The following SIAE variants were observed in gnomAD, a reference collection of about 807,000 sequenced individuals.
The protein encoded by SIAE is sialate O-acetylesterase.
Under a neutral mutation model 52.6 loss-of-function variants are expected in SIAE, and 39 were observed. The ratio of observed to expected loss-of-function variants is 0.74; its 90% CI spans 0.57 to 0.97. SIAE has a LOEUF of 0.97. Among genes scored for constraint, SIAE ranks in the 50% least tolerant of loss-of-function variants. SIAE has a pLI of 0.00. For synonymous variants in SIAE, 233 were observed against 241.4 expected (o/e 0.97, Z 0.32); for missense variants, 592 against 662.1 (o/e 0.89, Z 1.16).
chr11:124,657,860 A>C (rs1261101368), intron 3 of SIAE, among the ~76,000 whole-genome samples: 1 of 152,204 alleles, frequency 6.6e-6, no homozygotes, highest in Non-Finnish European at 1.5e-5. Context: ...GAATAAAGAG[A>C]TTGCAGGAAG....
chr11:124,673,592 A>G, intron 1 of SIAE, 50 bp downstream of exon 1: 1 of 1,588,552 alleles, frequency 6.3e-7, no homozygotes, highest in Non-Finnish European at 8.6e-7. Flanking sequence ...GGGGTCTCGG[A>G]GCCCGCACAG....
At chr11:124,642,668 T>G in intron 7 of SIAE, among the ~76,000 whole-genome samples, 1 of 152,218 alleles carries the variant, frequency 6.6e-6, no homozygotes, top group Non-Finnish European at 1.5e-5. Context: ...ACTCGTAATT[T>G]GATTCTAACC....
chr11:124,651,045 C>T (rs1943009339), intron 4 of SIAE, among the ~76,000 whole-genome samples: 1 of 152,130 alleles, frequency 6.6e-6, no homozygotes, highest in Admixed American at 6.5e-5. Context: ...ATCAGTTCAG[C>T]CCAAGGTTTA....
chr11:124,648,763 A>G (rs1159260261), intron 5 of SIAE, among the ~76,000 whole-genome samples: 2 of 152,132 alleles, frequency 1.3e-5, no homozygotes, highest in Non-Finnish European at 2.9e-5. Flanking sequence ...CCACTTGCCC[A>G]CACCCTCGGG....
Position 124,636,784 on chromosome 11 carries a change from T to C in SIAE, c.*167A>G, listed in dbSNP as rs1942749955. On this transcript the variant is annotated 3_prime_UTR_variant, in exon 10 of 10. Transcript: ENST00000263593. Reference sequence around the variant, plus strand: ...AAAAGCAAGCATTTCAAGTTACCTATAAGCCTGGGCTCATCAGAATATAGA... The same window carrying C: ...AAAAGCAAGCATTTCAAGTTACCTACAAGCCTGGGCTCATCAGAATATAGA... 1.0e-6 allele frequency: 1 copy of C among 960,830 alleles called. No individual in the cohort carries two copies. The allele number at this position is 960,830 out of a possible 1,614,324, so 59.5% of individuals were successfully genotyped here.
rs748185428 is a variant in SIAE, at chr11:124,660,748, GA to G, written c.284del (p.Phe95SerfsTer3). On this transcript the variant is annotated frameshift_variant, in exon 3 of 10. Transcript: ENST00000263593. LOFTEE classifies it high-confidence loss of function. ...VLDPMKPGGP[F>X]EVMAQQTLEK... ...CCAAAGTCTGTTGTGCCATCACTTC[GA>G]AAGGTCCTCCAGGCTTCATAGGATC... is the stretch of plus-strand genomic sequence containing the variant. 3.7e-6 allele frequency: 6 copies of G among 1,614,162 alleles called. No homozygotes were observed. The African/African-American group carries it at 8.0e-5, about 22-fold the overall frequency.
At chr11:124,646,332 G>A (rs1448959812) in intron 7 of SIAE, among the ~76,000 whole-genome samples, 1 of 152,156 alleles carries the variant, frequency 6.6e-6, no homozygotes, top group East Asian at 1.9e-4. Flanking sequence ...GATGTTAAGT[G>A]TGACCCAGGA....
At chr11:124,669,737 C>A (rs1943322993) in intron 1 of SIAE, 1 of 544,780 alleles carries the variant, frequency 1.8e-6, no homozygotes, top group East Asian at 3.4e-5. Flanking sequence ...ACATGATGAC[C>A]ACTAAGGAAA....
chr11:124,668,976 C>G (rs557422775), intron 2 of SIAE, among the ~76,000 whole-genome samples: 48 of 152,302 alleles, frequency 3.2e-4, no homozygotes, highest in Admixed American at 1.5e-3. Context: ...TGCCTCTCCT[C>G]TATATATGAT....
intron 4 of SIAE, 71 bp from the exon 5 acceptor site, chr11:124,649,867 G>A: frequency 6.6e-7 from 1 of 1,506,114 alleles, no homozygotes; most frequent in South Asian, 1.1e-5. Context: ...GCTGCTAGGT[G>A]GGTCGAGGTG....
intron 2 of SIAE, among the ~76,000 whole-genome samples, chr11:124,664,471 T>G (rs927845019): frequency 2.5e-4 from 38 of 152,244 alleles, no homozygotes; most frequent in Admixed American, 1.6e-3. Context: ...CCTGACCTTG[T>G]GATCCACCCA....
At chr11:124,659,528 G>A (rs1448353161) in intron 3 of SIAE, 1 of 151,582 alleles carries the variant, frequency 6.6e-6, no homozygotes, top group East Asian at 1.9e-4. Context: ...CAGCTACCCA[G>A]GAGGCTGAGG....
At chr11:124,671,672 CA>C (rs200290380) in intron 1 of SIAE, among the ~76,000 whole-genome samples, 7 of 150,098 alleles carry the variant, frequency 4.7e-5, no homozygotes, top group East Asian at 3.9e-4. Context: ...GTGCAATGGA[CA>C]AAAAAAAAGA....
At chr11:124,674,721 A>G (rs1206229849), upstream of SIAE, 1 of 151,764 alleles carries the variant, frequency 6.6e-6, no homozygotes, top group Non-Finnish European at 1.5e-5. Context: ...CCCATTCCAC[A>G]GTACGAAGGT....
At chr11:124,654,545 A>G (rs1352452509) in intron 4 of SIAE, 110 bp downstream of exon 4, 1 of 1,604,686 alleles carries the variant, frequency 6.2e-7, no homozygotes, top group African/African-American at 1.3e-5. Context: ...AAGGAATAAA[A>G]GGCATGAGTA....
At chr11:124,638,497 C>T (rs774657170) in intron 9 of SIAE, 45 bp downstream of exon 9, 1 of 1,596,628 alleles carries the variant, frequency 6.3e-7, no homozygotes, top group Non-Finnish European at 8.6e-7. Context: ...GAAATCTTGA[C>T]TCCACCACAA....
rs1943070886 is a variant in SIAE, at chr11:124,654,732, G to A, written c.467C>T (p.Ser156Phe). The A allele has an allele frequency of 1.9e-6, 3 of 1,614,158 alleles. No individual in the cohort carries two copies. In the East Asian group the frequency reaches 6.7e-5, roughly 36 times the overall value. Residue 156 changes from serine to phenylalanine, a missense_variant, in exon 4 of 10, where the codon TCT becomes TTT. Ser to Phe is a radical substitution (Grantham distance 155). Transcript: ENST00000263593. ...TAAYQSVRILSVSPIQAEQEL... is the reference protein window; with the variant it reads ...TAAYQSVRILFVSPIQAEQEL... ...CTGCTCTGCTTGAATGGGAGAGACA[G>A]AGAGGATGCGGACAGACTGATATGC...
Position 124,639,842 on chromosome 11 carries a change from C to A in SIAE, c.992G>T (p.Ser331Ile), listed in dbSNP as rs999251100. Reference protein sequence around the residue: ...VQLSSDLSKKSSDDGFPQIRW... With the variant: ...VQLSSDLSKKISDDGFPQIRW... ...GATCTGGGGAAATCCATCGTCTGAG[C>A]TCTTCTTAGACAAATCTGAAGATAA... Residue 331 changes from serine (S) to isoleucine (I), a missense_variant, in exon 8 of 10, where the codon AGC becomes ATC. Ser to Ile is a moderately radical substitution (Grantham distance 142, BLOSUM62 -2). Coordinates refer to ENST00000263593, the MANE Select transcript of SIAE (RefSeq NM_170601.5). The A allele has an allele frequency of 6.2e-7, 1 of 1,614,216 alleles. No homozygotes were observed. Among genetic ancestry groups the A allele is most frequent in the Non-Finnish European group, 8.5e-7 (1 of 1,180,038 alleles).
intron 4 of SIAE, among the ~76,000 whole-genome samples, chr11:124,650,899 G>A (rs1211197034): frequency 6.6e-6 from 1 of 152,234 alleles, no homozygotes; most frequent in East Asian, 1.9e-4. Flanking sequence ...GCCAAAACTA[G>A]TGTTTAAATT....
Sources: allele counts gnomAD v4.1 joint callset (sites outside exome capture counted in the v4.1 genomes callset), GRCh38; gene constraint gnomAD v4.1.1; transcripts MANE v1.5; gene names NCBI Gene and HGNC (gene_info 2026-07-23, HGNC 2026-07-21).